The following C8orf89 variants were observed in gnomAD, a reference collection of about 807,000 sequenced individuals.
C8orf89 encodes chromosome 8 open reading frame 89, also known as putative uncharacterized protein C8orf89.
A neutral mutation model predicts 15.8 loss-of-function variants in C8orf89; 14 were observed. That is an observed-to-expected ratio of 0.89 (90% CI 0.59 to 1.39). The LOEUF (loss-of-function observed/expected upper bound fraction) is 1.39, where lower values mean the gene tolerates loss of function less well. Ranked by LOEUF, C8orf89 falls within the 40% of genes most tolerant of loss-of-function variation. C8orf89 has a pLI of 0.00. For synonymous variants in C8orf89, 55 were observed against 62.2 expected, an observed-to-expected ratio of 0.88 and a Z score of 0.54; for missense variants, 181 against 184.5, an observed-to-expected ratio of 0.98 and a Z score of 0.11.
the C8orf89 span, among the ~76,000 whole-genome samples, chr8:73,275,683 T>G: frequency 0.013 from 2,015 of 152,286 alleles, 23 homozygotes; most frequent in Non-Finnish European, 0.021. Context: ...TTGTACAGGG[T>G]TTTGTTTTAT....
At chr8:73,258,870 A>C (rs1425175551) in intron 1 of C8orf89, among the ~76,000 whole-genome samples, 1 of 152,062 alleles carries the variant, frequency 6.6e-6, no homozygotes, top group African/African-American at 2.4e-5. Context: ...GGCTCAAGCG[A>C]TCCACCTGCC....
intron 3 of C8orf89, among the ~76,000 whole-genome samples, chr8:73,248,423 G>C (rs1312904541): frequency 6.6e-6 from 1 of 152,014 alleles, no homozygotes; most frequent in Non-Finnish European, 1.5e-5. Context: ...GGCTATTTTG[G>C]CTCTTTTTTG....
chr8:73,274,104 G>T, the C8orf89 span, among the ~76,000 whole-genome samples: 5 of 151,644 alleles, frequency 3.3e-5, no homozygotes, highest in African/African-American at 7.3e-5. Context: ...TTGGGTGAGG[G>T]GAGACAGGTG....
At chr8:73,254,270 C>T (rs1813315013) in intron 2 of C8orf89, among the ~76,000 whole-genome samples, 1 of 151,892 alleles carries the variant, frequency 6.6e-6, no homozygotes, top group Admixed American at 6.6e-5. Flanking sequence ...GCCTTGCATC[C>T]CAGGGATGAA....
At chr8:73,268,148 TA>T in the C8orf89 span, among the ~76,000 whole-genome samples, 78 of 152,262 alleles carry the variant, frequency 5.1e-4, no homozygotes, top group Non-Finnish European at 9.8e-4. Flanking sequence ...ATCATCCGTA[TA>T]GGGGGTAGGG....
At chr8:73,273,216 A>C in the C8orf89 span, among the ~76,000 whole-genome samples, 3 of 151,894 alleles carry the variant, frequency 2.0e-5, no homozygotes, top group Non-Finnish European at 4.4e-5. Flanking sequence ...TGGCGGGGCA[A>C]AAGTCCCATG....
Position 73,241,607 on chromosome 8 carries a change from T to C in C8orf89, c.338-2A>G. Reference sequence around the variant, plus strand: ...TGAGAGGATCACTGAAGCCAGAACCTGGAGGAGGAGGTGGGGAGTCAGCTA... The same window carrying C: ...TGAGAGGATCACTGAAGCCAGAACCCGGAGGAGGAGGTGGGGAGTCAGCTA... On this transcript the variant is annotated splice_acceptor_variant, in intron 3 of 3. Transcript: ENST00000624510. LOFTEE classifies it high-confidence loss of function. 1.3e-6 allele frequency: 2 copies of C among 1,504,738 alleles called. No individual in the cohort carries two copies. Among genetic ancestry groups the C allele is most frequent in the Non-Finnish European group, 1.8e-6 (2 of 1,131,136 alleles). 93.2% of individuals were successfully genotyped at this position (1,504,738 alleles called of 1,614,324 possible).
chr8:73,253,341 T>C (rs903340351), intron 2 of C8orf89, among the ~76,000 whole-genome samples: 2 of 152,202 alleles, frequency 1.3e-5, no homozygotes, highest in African/African-American at 4.8e-5. Context: ...TACTGTAGCC[T>C]TGTAGTATAG....
At chr8:73,270,692 G>A in the C8orf89 span, among the ~76,000 whole-genome samples, 2,598 of 152,232 alleles carry the variant, frequency 0.017, 33 homozygotes, top group Non-Finnish European at 0.028. Flanking sequence ...GATCACTTGA[G>A]CCCAGGAGTT....
At chr8:73,277,469 G>A in the C8orf89 span, 1 of 985,700 alleles carries the variant, frequency 1.0e-6, no homozygotes. Flanking sequence ...TGCTCGAGAA[G>A]AATCCCCTGG....
intron 2 of C8orf89, among the ~76,000 whole-genome samples, chr8:73,252,138 T>C (rs2130266093): frequency 1.3e-5 from 2 of 152,392 alleles, no homozygotes; most frequent in Middle Eastern, 3.4e-3. Flanking sequence ...TTGCGTTTTA[T>C]ATTTTTATAG....
the C8orf89 span, among the ~76,000 whole-genome samples, chr8:73,284,042 T>TA: frequency 8.3e-3 from 1,116 of 134,876 alleles, 10 homozygotes; most frequent in African/African-American, 0.023. Context: ...AACTCTGTCT[T>TA]AAAAAAAAAA....
intron 3 of C8orf89, among the ~76,000 whole-genome samples, chr8:73,242,822 G>A (rs74472276): frequency 0.051 from 7,740 of 152,154 alleles, 217 homozygotes; most frequent in East Asian, 0.084. Flanking sequence ...CCAAAAGAAG[G>A]GAAATCGGTA....
In C8orf89 at chr8:73,257,509, G is replaced by C. The variant is rs566065462; in HGVS notation, c.128-383C>G. On this transcript the variant is annotated intron_variant, in intron 1 of 3. Coordinates refer to ENST00000624510, the MANE Select transcript of C8orf89 (RefSeq NM_001243237.3). ...GCACTTAGAGTATTTCCATTTTCCT[G>C]CTTTTATGTAAATAAGAGGTGTAAA... Among the ~76,000 whole-genome samples, 5 of 152,230 alleles carry C rather than the reference G, an allele frequency of 3.3e-5. No homozygotes were observed. In the South Asian group the frequency reaches 1.0e-3, roughly 32 times the overall value.
chr8:73,276,178 C>CTT, the C8orf89 span, among the ~76,000 whole-genome samples: 1,041 of 131,570 alleles, frequency 7.9e-3, 27 homozygotes, highest in African/African-American at 0.018. Context: ...ATTTCTGATG[C>CTT]TTTTTTTTTT....
At chr8:73,245,309 C>A (rs1205084140) in intron 3 of C8orf89, among the ~76,000 whole-genome samples, 2 of 152,154 alleles carry the variant, frequency 1.3e-5, no homozygotes, top group African/African-American at 2.4e-5. Flanking sequence ...AAAAACAAAT[C>A]ATAATAAACA....
upstream of C8orf89, among the ~76,000 whole-genome samples, chr8:73,261,217 T>A (rs1813523538): frequency 6.6e-6 from 1 of 152,230 alleles, no homozygotes; most frequent in South Asian, 2.1e-4. Context: ...CATATATACA[T>A]CTATCCTATT....
intron 3 of C8orf89, among the ~76,000 whole-genome samples, chr8:73,244,033 A>G (rs1283137977): frequency 6.6e-6 from 1 of 152,182 alleles, no homozygotes; most frequent in Non-Finnish European, 1.5e-5. Context: ...ATTTCAAAGT[A>G]AAAGGCATAA....
the C8orf89 span, among the ~76,000 whole-genome samples, chr8:73,266,616 C>T: frequency 6.6e-6 from 1 of 152,134 alleles, no homozygotes; most frequent in South Asian, 2.1e-4. Flanking sequence ...ACCAAGGTTT[C>T]CAGTGTTGGA....
Sources: allele counts gnomAD v4.1 joint callset (sites outside exome capture counted in the v4.1 genomes callset), GRCh38; gene constraint gnomAD v4.1.1; transcripts MANE v1.5; gene names NCBI Gene and HGNC (gene_info 2026-07-23, HGNC 2026-07-21).